Variants in C1orf232 observed in about 807,000 individuals in gnomAD.
C1orf232 encodes chromosome 1 open reading frame 230.
In C1orf232, 10 loss-of-function variants were observed where a neutral mutation model predicts 12.1. The observed-to-expected ratio is 0.82, with a 90% confidence interval of 0.51 to 1.40. The LOEUF is 1.40. Ranked by LOEUF, C1orf232 falls within the 40% of genes most tolerant of loss-of-function variation. The pLI, the probability that C1orf232 is intolerant of heterozygous loss-of-function variation, is 0.00. For missense variants in C1orf232, 88 were observed against 98.4 expected, an observed-to-expected ratio of 0.89 and a Z score of 0.45; for synonymous variants, 36 against 39.8, an observed-to-expected ratio of 0.90 and a Z score of 0.36.
rs1328397973 is a variant in C1orf232, at chr1:26,164,801, G to C, written c.267-346C>G. 6.6e-6 allele frequency among the ~76,000 whole-genome samples: 1 copy of C among 152,132 alleles called. No individual in the cohort carries two copies. The stretch of plus-strand genomic sequence containing the variant: ...AGGAGGGACGCTGGAGGCGTGCGCA[G>C]GTCTGGGAAGCTGGAAGGATCCCTG... On this transcript the variant is annotated intron_variant, in intron 3 of 3. Transcript: ENST00000634842. The surrounding 1 kb of genome is among the most constrained non-coding windows in gnomAD (Gnocchi z 4.2).
rs2088404691 is a variant in C1orf232, at chr1:26,164,557, G to T, written c.267-102C>A. The T allele has an allele frequency of 1.1e-5, 4 of 350,956 alleles. No homozygotes were observed. Among genetic ancestry groups the T allele is most frequent in the Non-Finnish European group, 2.0e-5 (4 of 195,790 alleles). The allele number at this position is 350,956 out of a possible 1,614,324, so 21.7% of individuals were successfully genotyped here. The stretch of plus-strand genomic sequence containing the variant: ...TTAGTGGGGCCGGGGGAACCTGGGC[G>T]GAGTCAGGGGCAGTGGTGAGGAGCG... On this transcript the variant is annotated intron_variant, in intron 3 of 3. Transcript: ENST00000634842. The surrounding 1 kb of genome is among the most constrained non-coding windows in gnomAD (Gnocchi z 4.2).
chr1:26,168,368 G>A, intron 1 of C1orf232, 48 bp downstream of exon 1: 2 of 1,200,412 alleles, frequency 1.7e-6, no homozygotes, highest in Non-Finnish European at 2.1e-6. Flanking sequence ...GCTCATTCCT[G>A]CTGCCCCTCT....
At chr1:26,167,695 C>T (rs2088440490) in intron 1 of C1orf232, among the ~76,000 whole-genome samples, 1 of 152,170 alleles carries the variant, frequency 6.6e-6, no homozygotes, top group Admixed American at 6.5e-5. Context: ...AATCTCAGCT[C>T]ATTGCAACCT....
Position 26,166,036 on chromosome 1 carries a change from C to A in C1orf232, c.167G>T (p.Arg56Leu). The change falls in exon 2 of 4, where the codon CGG (arginine) becomes CTG (leucine). Residue 56 changes from arginine (R) to leucine (L), a missense_variant and splice_region_variant. Arg to Leu is a moderately radical substitution (Grantham distance 102, BLOSUM62 -2). Coordinates refer to ENST00000634842, the MANE Select transcript of C1orf232 (RefSeq NM_001364669.2). ...GGTGGAAGAAGGGAGAATACTCACC[C>A]GGCGGGCCAGCTGTGACATGGGATT... ...TFNPMSQLARRVQGVGVKGWL... is the reference protein window; with the variant it reads ...TFNPMSQLARLVQGVGVKGWL... 2.4e-6 allele frequency: 3 copies of A among 1,231,694 alleles called. No homozygotes were observed. The highest frequency in any genetic ancestry group is 3.0e-6 in the Non-Finnish European group (3 of 987,996). 76.3% of individuals were successfully genotyped at this position (1,231,694 alleles called of 1,614,324 possible). A position where few individuals can be genotyped will look rare whatever the true frequency, so the allele number is the denominator to read the frequency against.
At position 26,168,557 on chromosome 1, in the gene C1orf232, A is replaced by T; in HGVS notation, c.-58T>A. ...ACAGGAAGGTGGTGGCTCAGTGGAT[A>T]CCAGTGAGTCTGGCTCTAGGAACTT... On this transcript the variant is annotated 5_prime_UTR_variant, in exon 1 of 4. Coordinates refer to ENST00000634842, the MANE Select transcript of C1orf232 (RefSeq NM_001364669.2). 1 of 1,129,274 alleles carries T rather than the reference A, an allele frequency of 8.9e-7. No homozygotes were observed. The highest frequency in any genetic ancestry group is 1.6e-5 in the African/African-American group (1 of 62,558). 70.0% of individuals were successfully genotyped at this position (1,129,274 alleles called of 1,614,324 possible). A position where few individuals can be genotyped will look rare whatever the true frequency, so the allele number is the denominator to read the frequency against.
rs1475329825 is a variant in C1orf232, at chr1:26,168,687, CG to C, written c.-189del. 1 of 398,470 alleles carries C rather than the reference CG, an allele frequency of 2.5e-6. No homozygotes were observed. The highest frequency in any genetic ancestry group is 2.1e-5 in the African/African-American group (1 of 48,640). The allele number at this position is 398,470 out of a possible 1,614,324, so 24.7% of individuals were successfully genotyped here. ...GGAGGTGAACCTGATCCAAAGGAGTCGGGGAGTGGGGGATGGAACAAGCTTC... is the reference window on the plus strand; with the variant it reads ...GGAGGTGAACCTGATCCAAAGGAGTCGGGAGTGGGGGATGGAACAAGCTTC... On this transcript the variant is annotated 5_prime_UTR_variant, in exon 1 of 4. It introduces an in-frame stop codon into an upstream open reading frame of the 5' UTR. Coordinates refer to ENST00000634842, the MANE Select transcript of C1orf232 (RefSeq NM_001364669.2).
chr1:26,166,364 C>T (rs185206640), intron 1 of C1orf232, among the ~76,000 whole-genome samples: 2 of 151,998 alleles, frequency 1.3e-5, no homozygotes, highest in East Asian at 3.9e-4. Context: ...GGAGTCTTGC[C>T]GTGGGGTGCA....
chr1:26,166,611 C>T (rs926760298), intron 1 of C1orf232, among the ~76,000 whole-genome samples: 2 of 152,032 alleles, frequency 1.3e-5, no homozygotes, highest in Non-Finnish European at 2.9e-5. Context: ...GCCGCCAGTC[C>T]GAGCTGCAGA....
chr1:26,164,567 G>T lies in C1orf232; in HGVS notation c.267-112C>A, dbSNP rs1444002031. 1.1e-5 allele frequency: 4 copies of T among 348,370 alleles called. No homozygotes were observed. The highest frequency in any genetic ancestry group is 2.1e-5 in the Non-Finnish European group (4 of 194,370). The allele number at this position is 348,370 out of a possible 1,614,324, so 21.6% of individuals were successfully genotyped here. A position where few individuals can be genotyped will look rare whatever the true frequency, so the allele number is the denominator to read the frequency against. ...CGGGGGAACCTGGGCGGAGTCAGGGGCAGTGGTGAGGAGCGGGGTCAGGTG... is the reference window on the plus strand; with the variant it reads ...CGGGGGAACCTGGGCGGAGTCAGGGTCAGTGGTGAGGAGCGGGGTCAGGTG... On this transcript the variant is annotated intron_variant, in intron 3 of 3. Coordinates refer to ENST00000634842, the MANE Select transcript of C1orf232 (RefSeq NM_001364669.2). This position sits in a 1 kb window ranked among gnomAD's most constrained non-coding sequence, Gnocchi z 4.2.
chr1:26,165,986 C>G, intron 2 of C1orf232, 49 bp downstream of exon 2: 1 of 1,231,638 alleles, frequency 8.1e-7, no homozygotes, highest in Non-Finnish European at 1.0e-6. Context: ...TCCACAGAAG[C>G]CTCTGCCAGG....
intron 1 of C1orf232, among the ~76,000 whole-genome samples, chr1:26,166,338 C>CGT (rs138089817): frequency 0.12 from 18,204 of 151,678 alleles, 1,253 homozygotes; most frequent in South Asian, 0.24. Context: ...TTTGTGTGTG[C>CGT]GTGTGTGTGT....
rs565091315 is a variant in C1orf232, at chr1:26,166,339, G to A, written c.85-221C>T. ...CACCCTTTTTTTCCTTTGTGTGTGC[G>A]TGTGTGTGTGTGATGGAGTCTTGCC... On this transcript the variant is annotated intron_variant, in intron 1 of 3. Transcript: ENST00000634842. 6.2e-5 allele frequency among the ~76,000 whole-genome samples: 7 copies of A among 113,138 alleles called. No individual in the cohort carries two copies. In the East Asian group the frequency reaches 7.5e-4, roughly 12 times the overall value. 74.2% of individuals were successfully genotyped at this position (113,138 alleles called of 152,430 possible).
intron 1 of C1orf232, among the ~76,000 whole-genome samples, chr1:26,166,789 T>G (rs1210905553): frequency 2.0e-5 from 3 of 152,154 alleles, no homozygotes; most frequent in African/African-American, 7.2e-5. Context: ...GAAGCACCTA[T>G]ACAAGGACAC....
Position 26,168,694 on chromosome 1 carries a change from TG to T in C1orf232, c.-196del, listed in dbSNP as rs2088451565. On this transcript the variant is annotated 5_prime_UTR_variant, in exon 1 of 4. It introduces an in-frame stop codon into an upstream open reading frame of the 5' UTR. Coordinates refer to ENST00000634842, the MANE Select transcript of C1orf232 (RefSeq NM_001364669.2). ...AACCTGATCCAAAGGAGTCGGGGAG[TG>T]GGGGATGGAACAAGCTTCTGCCACC... 4 of 396,104 alleles carry T rather than the reference TG, an allele frequency of 1.0e-5. No homozygotes were observed. The East Asian group carries it at 1.4e-4, about 14-fold the overall frequency. 24.5% of individuals were successfully genotyped at this position (396,104 alleles called of 1,614,324 possible).
In C1orf232 at chr1:26,166,137, ACACAG is replaced by A; in HGVS notation, c.85-24_85-20del. 2 of 1,231,312 alleles carry A rather than the reference ACACAG, an allele frequency of 1.6e-6. No homozygotes were observed. 76.3% of individuals were successfully genotyped at this position (1,231,312 alleles called of 1,614,324 possible). On this transcript the variant is annotated intron_variant, in intron 1 of 3. Coordinates refer to ENST00000634842, the MANE Select transcript of C1orf232 (RefSeq NM_001364669.2). ...TCTCCCTCTGGGACACAAGACCCCC[ACACAG>A]CATGAGAGAGGCCGCAGAGGAGTGA...
Position 26,164,495 on chromosome 1 carries a change from T to C in C1orf232, c.267-40A>G, listed in dbSNP as rs1273002655. 1 of 374,344 alleles carries C rather than the reference T, an allele frequency of 2.7e-6. No homozygotes were observed. Among genetic ancestry groups the C allele is most frequent in the African/African-American group, 2.1e-5 (1 of 47,568 alleles). 23.2% of individuals were successfully genotyped at this position (374,344 alleles called of 1,614,324 possible). A position where few individuals can be genotyped will look rare whatever the true frequency, so the allele number is the denominator to read the frequency against. On this transcript the variant is annotated intron_variant, in intron 3 of 3. Transcript: ENST00000634842. The surrounding 1 kb of genome is among the most constrained non-coding windows in gnomAD (Gnocchi z 4.2). The stretch of plus-strand genomic sequence containing the variant: ...CGCGGTCAGGGAAGCGGCCGGGCGG[T>C]CCCGCGGAGGAACATCGGCTGGGCT...
At chr1:26,166,002 C>T (rs1292565173) in intron 2 of C1orf232, 33 bp downstream of exon 2, 5 of 1,231,524 alleles carry the variant, frequency 4.1e-6, no homozygotes, top group Non-Finnish European at 5.1e-6. Flanking sequence ...CCAGGCTGCC[C>T]AGGGTTGGGG....
intron 1 of C1orf232, among the ~76,000 whole-genome samples, chr1:26,166,417 C>G (rs1409578524): frequency 6.6e-6 from 1 of 152,100 alleles, no homozygotes; most frequent in Non-Finnish European, 1.5e-5. Context: ...CTCCCATGTT[C>G]AAGTGATTCT....
intron 3 of C1orf232, chr1:26,165,611 A>G: frequency 1.2e-6 from 1 of 836,024 alleles, no homozygotes; most frequent in East Asian, 3.3e-5. Flanking sequence ...CTAGCACCTC[A>G]ATCCCAACAG....
Sources: gnomAD v4.1 joint callset for allele counts (sites outside exome capture counted in the v4.1 genomes callset) on GRCh38, gnomAD v4.1.1 for gene constraint, Gnocchi (gnomAD v3.1) non-coding constraint, MANE v1.5 for transcripts, NCBI Gene and HGNC (gene_info 2026-07-23, HGNC 2026-07-21) for gene names.